Variants in FRMPD2 observed in about 807,000 individuals in gnomAD.
FRMPD2 encodes FERM and PDZ domain-containing protein 2.
In FRMPD2, 96 loss-of-function variants were observed where a neutral mutation model predicts 140.1. The ratio of observed to expected loss-of-function variants is 0.69; its 90% CI spans 0.58 to 0.81. The LOEUF is 0.81. FRMPD2 is among the 40% of genes least tolerant of loss of function. The pLI is 0.00. For missense variants in FRMPD2, 1,240 were observed against 1,447.4 expected, an observed-to-expected ratio of 0.86 and a Z score of 2.32; for synonymous variants, 449 against 547.6, an observed-to-expected ratio of 0.82 and a Z score of 2.52.
intron 20 of FRMPD2, 133 bp downstream of exon 20, chr10:48,184,433 T>C: frequency 1.6e-6 from 1 of 622,456 alleles, no homozygotes; most frequent in Non-Finnish European, 2.9e-6. Flanking sequence ...ACACTGCTTC[T>C]TTGCAAGCCA....
At chr10:48,222,165 G>C (rs1839610541) in intron 12 of FRMPD2, 148 bp downstream of exon 12, 1 of 713,780 alleles carries the variant, frequency 1.4e-6, no homozygotes, top group African/African-American at 1.8e-5. Context: ...TGGATGGATG[G>C]ATGGATGGAT....
rs191338041 is a variant in FRMPD2, at chr10:48,189,010, G to A, written c.2166-1718C>T. 1.8e-4 allele frequency among the ~76,000 whole-genome samples: 27 copies of A among 152,286 alleles called. 1 individual carries two copies. The East Asian group carries it at 5.0e-3, about 28-fold the overall frequency. On this transcript the variant is annotated intron_variant, in intron 16 of 28. Coordinates refer to ENST00000374201, the MANE Select transcript of FRMPD2 (RefSeq NM_001018071.4). ...GACAGAGCTCTGGGGATGGACTTTC[G>A]TGATGGTAGCACAACATCATGAATG...
At chr10:48,218,557 G>C (rs75964835) in intron 12 of FRMPD2, among the ~76,000 whole-genome samples, 1,734 of 152,288 alleles carry the variant, frequency 0.011, 11 homozygotes, top group Admixed American at 0.018. Flanking sequence ...TTAGACTCAA[G>C]TCTAACCAAT....
chr10:48,190,785 G>T (rs993735357), intron 16 of FRMPD2, among the ~76,000 whole-genome samples: 1 of 152,188 alleles, frequency 6.6e-6, no homozygotes, highest in African/African-American at 2.4e-5. Flanking sequence ...TTTGTATCAA[G>T]AAGGCCAGCA....
At chr10:48,268,726 G>T (rs942753151) in intron 1 of FRMPD2, among the ~76,000 whole-genome samples, 1 of 152,232 alleles carries the variant, frequency 6.6e-6, no homozygotes, top group East Asian at 1.9e-4. Flanking sequence ...GGAGCTGGGG[G>T]AGATCTTTGT....
intron 18 of FRMPD2, among the ~76,000 whole-genome samples, chr10:48,185,347 A>G (rs887553703): frequency 6.6e-6 from 1 of 152,210 alleles, no homozygotes; most frequent in Admixed American, 6.5e-5. Flanking sequence ...GATGCACCCC[A>G]AAAAGAAAAA....
chr10:48,189,864 A>G (rs532628284), intron 16 of FRMPD2, among the ~76,000 whole-genome samples: 35 of 152,278 alleles, frequency 2.3e-4, no homozygotes, highest in African/African-American at 8.4e-4. Flanking sequence ...GACCAGCATC[A>G]GGGCAGTCAC....
Position 48,181,918 on chromosome 10 carries a change from G to T in FRMPD2, c.2585-910C>A, listed in dbSNP as rs61320527. Among the ~76,000 whole-genome samples the T allele has an allele frequency of 3.5e-3, 223 of 63,738 alleles. 1 individual carries two copies. The highest frequency in any genetic ancestry group is 0.013 in the African/African-American group (210 of 16,760). The allele number at this position is 63,738 out of a possible 152,430, so 41.8% of individuals were successfully genotyped here. A position where few individuals can be genotyped will look rare whatever the true frequency, so the allele number is the denominator to read the frequency against. The stretch of plus-strand genomic sequence containing the variant: ...CACACACACACACACACACAGACAC[G>T]CACAGCTTAGTACATGGTAGAGCCT... On this transcript the variant is annotated intron_variant, in intron 20 of 28. Coordinates refer to ENST00000374201, the MANE Select transcript of FRMPD2 (RefSeq NM_001018071.4).
Position 48,192,996 on chromosome 10 carries a change from C to T in FRMPD2, c.1955-102G>A, listed in dbSNP as rs919836892. Reference sequence around the variant, plus strand: ...ATATCACTGGGCCCCCGCTCTCCTCCTCCTTTCTTTTTCTGCTGCTATTTT... The same window carrying T: ...ATATCACTGGGCCCCCGCTCTCCTCTTCCTTTCTTTTTCTGCTGCTATTTT... On this transcript the variant is annotated intron_variant, in intron 15 of 28. Transcript: ENST00000374201. The T allele has an allele frequency of 4.7e-6, 4 of 853,076 alleles. No homozygotes were observed. The African/African-American group carries it at 5.0e-5, about 11-fold the overall frequency. The allele number at this position is 853,076 out of a possible 1,614,324, so 52.8% of individuals were successfully genotyped here.
At chr10:48,219,341 T>C (rs1182385933) in intron 12 of FRMPD2, among the ~76,000 whole-genome samples, 1 of 152,026 alleles carries the variant, frequency 6.6e-6, no homozygotes, top group Non-Finnish European at 1.5e-5. Context: ...TTTTGTCACA[T>C]GACAGTGGTG....
chr10:48,199,704 T>A (rs778092333), intron 15 of FRMPD2: 2 of 152,194 alleles, frequency 1.3e-5, no homozygotes, highest in African/African-American at 2.4e-5. Flanking sequence ...AAACTCTCAA[T>A]TAAGAGTGAT....
rs562030279 is a variant in FRMPD2 at position 48,218,331 on chromosome 10, C to A, written c.1455+3982G>T. On this transcript the variant is annotated intron_variant, in intron 12 of 28. Coordinates refer to ENST00000374201, the MANE Select transcript of FRMPD2 (RefSeq NM_001018071.4). ...ATAAGGCCAGACCCCGATGACGTAG[C>A]AGACTAGAACTTTAGGTAAACATGG... 8.5e-5 allele frequency among the ~76,000 whole-genome samples: 13 copies of A among 152,308 alleles called. No individual in the cohort carries two copies. The South Asian group carries it at 1.9e-3, about 22-fold the overall frequency.
intron 28 of FRMPD2, among the ~76,000 whole-genome samples, chr10:48,160,125 T>G (rs1292726501): frequency 1.3e-5 from 2 of 151,630 alleles, no homozygotes; most frequent in Non-Finnish European, 2.9e-5. Context: ...GAACTAACCT[T>G]ATAAAAAACA....
At chr10:48,183,443 C>G (rs1838598040) in intron 20 of FRMPD2, among the ~76,000 whole-genome samples, 1 of 152,104 alleles carries the variant, frequency 6.6e-6, no homozygotes, top group Admixed American at 6.5e-5. Flanking sequence ...AGTTGTTGCT[C>G]TCTCATTCTT....
In FRMPD2 at chr10:48,242,344, C is replaced by T. The variant is rs765931689; in HGVS notation, c.384G>A (p.Gln128=). Residue 128 remains glutamine, a synonymous_variant, in exon 5 of 29, where the codon CAG becomes CAA. Coordinates refer to ENST00000374201, the MANE Select transcript of FRMPD2 (RefSeq NM_001018071.4). ...GGATGGAGTGCAGGGGCTCGCAGAG[C>T]TGCAGGGGCTGGAGGCAGACAGGGC... The part of the protein sequence containing the change: ...GFHVPPHQPL[Q]LCEPLHSILL... The T allele has an allele frequency of 1.2e-6, 2 of 1,612,480 alleles. No homozygotes were observed. The highest frequency in any genetic ancestry group is 1.7e-6 in the Non-Finnish European group (2 of 1,178,944).
intron 10 of FRMPD2, among the ~76,000 whole-genome samples, chr10:48,223,916 A>G (rs1456692445): frequency 6.6e-6 from 1 of 152,200 alleles, no homozygotes; most frequent in African/African-American, 2.4e-5. Context: ...AGAGGACCCC[A>G]CCAGGAATGG....
intron 1 of FRMPD2, among the ~76,000 whole-genome samples, chr10:48,258,629 G>T (rs1840527888): frequency 6.6e-6 from 1 of 152,222 alleles, no homozygotes; most frequent in Non-Finnish European, 1.5e-5. Flanking sequence ...TGCATTCGTA[G>T]ATGAGAGGAT....
At chr10:48,221,156 A>AATTG (rs1439215379) in intron 12 of FRMPD2, among the ~76,000 whole-genome samples, 1 of 152,236 alleles carries the variant, frequency 6.6e-6, no homozygotes, top group Non-Finnish European at 1.5e-5. Context: ...TTATAGCAGC[A>AATTG]CAATTCCCAA....
chr10:48,236,726 C>T (rs569521876), intron 8 of FRMPD2, among the ~76,000 whole-genome samples, 173 bp from the exon 9 acceptor site: 1 of 152,262 alleles, frequency 6.6e-6, no homozygotes, highest in African/African-American at 2.4e-5. Flanking sequence ...AATGGTACAT[C>T]TTGGAGCAGA....
Sources: gnomAD v4.1 joint callset for allele counts (sites outside exome capture counted in the v4.1 genomes callset) on GRCh38, gnomAD v4.1.1 for gene constraint, MANE v1.5 for transcripts, NCBI Gene and HGNC (gene_info 2026-07-23, HGNC 2026-07-21) for gene names.